The following CCS variants were observed in gnomAD, a reference collection of about 807,000 sequenced individuals.
CCS encodes the protein copper chaperone for superoxide dismutase.
A neutral mutation model predicts 35.5 loss-of-function variants in CCS; 32 were observed. That is an observed-to-expected ratio of 0.90 (90% CI 0.68 to 1.21). The LOEUF is 1.21. Among genes scored for constraint, CCS ranks in the 50% most tolerant of loss-of-function variants. The pLI, the probability that CCS is intolerant of heterozygous loss-of-function variation, is 0.00. For missense variants in CCS, 342 were observed against 375.4 expected, an observed-to-expected ratio of 0.91 and a Z score of 0.73; for synonymous variants, 130 against 147.2, an observed-to-expected ratio of 0.88 and a Z score of 0.84.
intron 5 of CCS, among the ~76,000 whole-genome samples, chr11:66,601,458 T>G (rs1858570173): frequency 6.6e-6 from 1 of 152,208 alleles, no homozygotes; most frequent in Non-Finnish European, 1.5e-5. Flanking sequence ...GAAACCATGG[T>G]ATGTGTTGCT....
chr11:66,599,810 G>C, intron 4 of CCS, 174 bp downstream of exon 4: 1 of 638,750 alleles, frequency 1.6e-6, no homozygotes, highest in South Asian at 2.1e-5. Flanking sequence ...AGGTAGAGTT[G>C]GGGTTTGAGT....
chr11:66,600,357 C>A, intron 4 of CCS, 132 bp from the exon 5 acceptor site: 2 of 533,512 alleles, frequency 3.7e-6, no homozygotes. Context: ...CTACCCAAAG[C>A]CCAGCACAGA....
intron 5 of CCS, among the ~76,000 whole-genome samples, chr11:66,603,617 C>T (rs575889585): frequency 9.2e-5 from 14 of 152,116 alleles, no homozygotes; most frequent in African/African-American, 2.9e-4. Flanking sequence ...GAGGCCGAGG[C>T]GGGCAGATCA....
intron 7 of CCS, 50 bp from the exon 8 acceptor site, chr11:66,605,650 CAG>C (rs1213135370): frequency 6.3e-7 from 1 of 1,584,296 alleles, no homozygotes; most frequent in Non-Finnish European, 8.6e-7. Flanking sequence ...ATGAGGAACC[CAG>C]GGGTGGGGGC....
At chr11:66,594,461 T>A (rs887507261) in intron 2 of CCS, among the ~76,000 whole-genome samples, 1 of 151,696 alleles carries the variant, frequency 6.6e-6, no homozygotes, top group African/African-American at 2.4e-5. Flanking sequence ...CTCTGGGAAC[T>A]GGCTTCCTTT....
In CCS at chr11:66,599,162, A is replaced by G. The variant is rs572549240; in HGVS notation, c.159A>G (p.Val53=). 1.9e-6 allele frequency: 3 copies of G among 1,614,078 alleles called. No homozygotes were observed. The highest frequency in any genetic ancestry group is 1.3e-5 in the African/African-American group (1 of 75,022). Residue 53 remains valine, a synonymous_variant, in exon 3 of 8, where the codon GTA becomes GTG. Coordinates refer to ENST00000533244, the MANE Select transcript of CCS (RefSeq NM_005125.2). ...ACTTGGAGGACCAGATGGTCTTGGT[A>G]CACACCACTCTACCCAGCCAGGAGG... ...EVHLEDQMVL[V]HTTLPSQEVQ... is the part of the protein sequence containing the mutation.
intron 2 of CCS, among the ~76,000 whole-genome samples, chr11:66,597,892 G>C (rs576506950): frequency 6.6e-6 from 1 of 152,074 alleles, no homozygotes; most frequent in East Asian, 1.9e-4. Flanking sequence ...CTGCTCTCCA[G>C]CCTAGGTGAC....
Position 66,599,115 on chromosome 11 carries a change from G to C in CCS, c.113-1G>C. The C allele has an allele frequency of 6.2e-7, 1 of 1,614,144 alleles. No homozygotes were observed. Among genetic ancestry groups the C allele is most frequent in the Non-Finnish European group, 8.5e-7 (1 of 1,180,028 alleles). ...GCCCTCTTCCCTCTCTTTCTTGCCA[G>C]GTGTCCAGGATGTGGAGGTGCACTT... On this transcript the variant is annotated splice_acceptor_variant, in intron 2 of 7. Coordinates refer to ENST00000533244, the MANE Select transcript of CCS (RefSeq NM_005125.2). LOFTEE classifies it high-confidence loss of function.
At chr11:66,594,787 A>C (rs1414803744) in intron 2 of CCS, among the ~76,000 whole-genome samples, 7 of 151,894 alleles carry the variant, frequency 4.6e-5, no homozygotes, top group African/African-American at 1.7e-4. Flanking sequence ...AAAAAAAAAA[A>C]AAAAAAACAA....
chr11:66,599,840 G>A lies in CCS; in HGVS notation c.428+204G>A, dbSNP rs1858544536. On this transcript the variant is annotated intron_variant, in intron 4 of 7. Transcript: ENST00000533244. ...TTGAGTCAAGATCTGACCTTGGCTGGGCACAGTAGCTCACACCTGTAATCT... is the reference window on the plus strand; with the variant it reads ...TTGAGTCAAGATCTGACCTTGGCTGAGCACAGTAGCTCACACCTGTAATCT... 4 of 533,612 alleles carry A rather than the reference G, an allele frequency of 7.5e-6. No individual in the cohort carries two copies. The Admixed American group carries it at 1.1e-4, about 15-fold the overall frequency. 33.1% of individuals were successfully genotyped at this position (533,612 alleles called of 1,614,324 possible). A position where few individuals can be genotyped will look rare whatever the true frequency, so the allele number is the denominator to read the frequency against.
intron 1 of CCS, 92 bp downstream of exon 1, chr11:66,593,392 C>A: frequency 7.5e-7 from 1 of 1,339,352 alleles, no homozygotes; most frequent in Non-Finnish European, 1.0e-6. Context: ...AAGGAGTGGG[C>A]ACTTGGGTTG....
In CCS at chr11:66,599,185, A is replaced by T. The variant is rs1480989311; in HGVS notation, c.182A>T (p.Glu61Val). The T allele has an allele frequency of 6.2e-7, 1 of 1,614,006 alleles. No individual in the cohort carries two copies. Among genetic ancestry groups the T allele is most frequent in the Non-Finnish European group, 8.5e-7 (1 of 1,179,986 alleles). ...VLVHTTLPSQ[E>V]VQALLEGTGR... Reference sequence around the variant, plus strand: ...GTACACACCACTCTACCCAGCCAGGAGGTGCAGGCTCTCCTGGAAGGCACG... The same window carrying T: ...GTACACACCACTCTACCCAGCCAGGTGGTGCAGGCTCTCCTGGAAGGCACG... The change falls in exon 3 of 8, where the codon GAG becomes GTG. Residue 61 changes from glutamate (E) to valine (V), a missense_variant. Transcript: ENST00000533244.
chr11:66,593,423 A>G, intron 1 of CCS, 123 bp downstream of exon 1: 1 of 1,120,250 alleles, frequency 8.9e-7, no homozygotes, highest in Non-Finnish European at 1.3e-6. Flanking sequence ...CCATGGGATG[A>G]AACTAGGGTG....
At chr11:66,605,441 C>A in intron 6 of CCS, 25 bp downstream of exon 6, 1 of 1,613,940 alleles carries the variant, frequency 6.2e-7, no homozygotes. Flanking sequence ...AAGGTGGGCA[C>A]CCTTCCTAAC....
chr11:66,597,407 G>C (rs1486000596), intron 2 of CCS, among the ~76,000 whole-genome samples: 79 of 141,974 alleles, frequency 5.6e-4, no homozygotes, highest in Middle Eastern at 8.5e-3. Context: ...GCAGTGAGCC[G>C]AGATTGTGCC....
chr11:66,605,384 G>T lies in CCS; in HGVS notation c.535G>T (p.Ala179Ser). 1.2e-6 allele frequency: 2 copies of T among 1,614,140 alleles called. No homozygotes were observed. Among genetic ancestry groups the T allele is most frequent in the African/African-American group, 1.3e-5 (1 of 75,020 alleles). The change falls in exon 6 of 8, where the codon GCC (alanine) becomes TCC (serine). Residue 179 changes from alanine to serine, a missense_variant. By Grantham distance (99) the Ala-to-Ser change is moderately conservative. Transcript: ENST00000533244. ...GNVRADADGRAIFRMEDEQLK... is the reference protein window; with the variant it reads ...GNVRADADGRSIFRMEDEQLK... ...TGTCCGTGCTGATGCTGACGGCCGC[G>T]CCATCTTCAGAATGGAGGATGAGCA...
chr11:66,604,044 A>T (rs34898371), intron 5 of CCS, among the ~76,000 whole-genome samples: 8,473 of 145,352 alleles, frequency 0.058, 233 homozygotes, highest in South Asian at 0.068. Context: ...ATAAATAAAT[A>T]AATAAATAAA....
At chr11:66,599,034 G>A (rs1858527029) in intron 2 of CCS, 82 bp from the exon 3 acceptor site, 1 of 1,559,122 alleles carries the variant, frequency 6.4e-7, no homozygotes, top group Non-Finnish European at 8.8e-7. Context: ...TGGGGATGGA[G>A]AATTGCTGTC....
chr11:66,593,796 C>T (rs1858426558), intron 2 of CCS, 82 bp downstream of exon 2: 4 of 1,275,088 alleles, frequency 3.1e-6, no homozygotes, highest in African/African-American at 1.5e-5. Flanking sequence ...GAACCCTACT[C>T]CCATTTTACA....
Sources: gnomAD v4.1 joint callset for allele counts (sites outside exome capture counted in the v4.1 genomes callset) on GRCh38, gnomAD v4.1.1 for gene constraint, MANE v1.5 for transcripts, NCBI Gene and HGNC (gene_info 2026-07-23, HGNC 2026-07-21) for gene names.